The following ROBO2 variants were observed in gnomAD, a reference collection of about 807,000 sequenced individuals.
ROBO2 encodes roundabout guidance receptor 2, also known as roundabout homolog 2.
Under a neutral mutation model 160.8 loss-of-function variants are expected in ROBO2, and 53 were observed. That is an observed-to-expected ratio of 0.33 (90% CI 0.26 to 0.41). ROBO2 has a LOEUF of 0.41. Among genes scored for constraint, ROBO2 ranks in the 10% least tolerant of loss-of-function variants. ROBO2 has a pLI of 1.00. For synonymous variants in ROBO2, 664 were observed against 611.7 expected (o/e 1.09, Z -1.26); for missense variants, 1,577 against 1,722.4 (o/e 0.92, Z 1.49).
chr3:75,971,826 A>G (rs1252183540), intron 2 of ROBO2, among the ~76,000 whole-genome samples: 3 of 151,520 alleles, frequency 2.0e-5, no homozygotes, highest in East Asian at 3.9e-4. Flanking sequence ...AAGGGTTGCT[A>G]CAAATTCAAA....
Position 76,109,420 on chromosome 3 carries a change from A to G in ROBO2, c.109+171818A>G, listed in dbSNP as rs1157413189. On this transcript the variant is annotated intron_variant, in intron 2 of 26. Coordinates refer to the ROBO2 transcript ENST00000487694. The stretch of plus-strand genomic sequence containing the variant: ...CAAGATGTCAGGTACCACTACTACT[A>G]ATAATACCATATGTGGCTTGTGAGA... Among the ~76,000 whole-genome samples the G allele has an allele frequency of 2.6e-5, 4 of 152,006 alleles. No individual in the cohort carries two copies. In the East Asian group the frequency reaches 7.8e-4, roughly 29 times the overall value.
In ROBO2 at chr3:77,392,058, G is replaced by A. The variant is rs150883942; in HGVS notation, c.389-85356G>A. 3.9e-4 allele frequency among the ~76,000 whole-genome samples: 59 copies of A among 152,144 alleles called. 1 individual carries two copies. In the East Asian group the frequency reaches 0.011, roughly 29 times the overall value. ...ACCTGTCAAAGCAACAATATTTAAG[G>A]GCAGCTTTGATGTCAAATTGAAGGC... On this transcript the variant is annotated intron_variant, in intron 2 of 25. Transcript: ENST00000461745.
intron 2 of ROBO2, among the ~76,000 whole-genome samples, chr3:76,130,012 T>A (rs1434231509): frequency 6.6e-6 from 1 of 152,080 alleles, no homozygotes; most frequent in Non-Finnish European, 1.5e-5. Context: ...CAACTGCTCG[T>A]CATTGGGGAA....
chr3:77,133,480 T>C (rs543277832), intron 2 of ROBO2, among the ~76,000 whole-genome samples: 1 of 152,318 alleles, frequency 6.6e-6, no homozygotes, highest in East Asian at 1.9e-4. Flanking sequence ...CTTGACATTA[T>C]ATTTATCAAA....
exon 1 of ROBO2, chr3:77,040,365 A>C: frequency 2.0e-6 from 2 of 1,003,760 alleles, no homozygotes; most frequent in Non-Finnish European, 2.4e-6. Flanking sequence ...GTTTTTCGGC[A>C]GCGCGCTGGC....
At chr3:76,991,279 G>T (rs2060651976) in intron 2 of ROBO2, among the ~76,000 whole-genome samples, 1 of 152,152 alleles carries the variant, frequency 6.6e-6, no homozygotes, top group South Asian at 2.1e-4. Context: ...TTACCTATAG[G>T]TGATGATGGC....
chr3:76,757,879 T>C (rs1367708780), intron 2 of ROBO2, among the ~76,000 whole-genome samples: 1 of 151,588 alleles, frequency 6.6e-6, no homozygotes, highest in Non-Finnish European at 1.5e-5. Flanking sequence ...CTTTATCTAG[T>C]AAGGATTCAG....
At chr3:76,220,642 C>G (rs1410350266) in intron 2 of ROBO2, among the ~76,000 whole-genome samples, 1 of 152,160 alleles carries the variant, frequency 6.6e-6, no homozygotes, top group South Asian at 2.1e-4. Context: ...TACAGGAGCA[C>G]AGATGCACTA....
chr3:76,476,365 G>A (rs1281580970), intron 2 of ROBO2, among the ~76,000 whole-genome samples: 2 of 151,812 alleles, frequency 1.3e-5, no homozygotes, highest in African/African-American at 4.8e-5. Context: ...TCCCTTTTTG[G>A]ATTTTTATGG....
At chr3:76,516,976 A>G (rs1577816724) in intron 2 of ROBO2, among the ~76,000 whole-genome samples, 2 of 152,204 alleles carry the variant, frequency 1.3e-5, no homozygotes, top group East Asian at 3.8e-4. Context: ...ACAGTGAAAG[A>G]ATGGAGATGA....
chr3:76,548,487 G>T (rs2083239464), intron 2 of ROBO2, among the ~76,000 whole-genome samples: 1 of 152,108 alleles, frequency 6.6e-6, no homozygotes, highest in South Asian at 2.1e-4. Flanking sequence ...CATGACAAAT[G>T]AGAATCCCAC....
chr3:77,631,227 G>A (rs1016391367), intron 23 of ROBO2: 18 of 151,932 alleles, frequency 1.2e-4, no homozygotes, highest in African/African-American at 3.9e-4. Flanking sequence ...TAACTTCTCC[G>A]ATCATTCTAA....
At chr3:76,217,755 C>A (rs1317440245) in intron 2 of ROBO2, among the ~76,000 whole-genome samples, 1 of 152,134 alleles carries the variant, frequency 6.6e-6, no homozygotes. Context: ...TGGTACCATT[C>A]CTTCTGAAAC....
chr3:76,187,980 T>A (rs185272844), intron 2 of ROBO2, among the ~76,000 whole-genome samples: 1 of 152,224 alleles, frequency 6.6e-6, no homozygotes, highest in East Asian at 1.9e-4. Context: ...CTAAACTCAC[T>A]TAGTGCCACT....
chr3:77,289,560 G>T (rs1473621400), intron 2 of ROBO2, among the ~76,000 whole-genome samples: 1 of 151,858 alleles, frequency 6.6e-6, no homozygotes, highest in African/African-American at 2.4e-5. Context: ...AAAATTGACA[G>T]TTAAACGGGT....
At chr3:76,397,911 G>T (rs1407208501) in intron 2 of ROBO2, among the ~76,000 whole-genome samples, 1 of 151,994 alleles carries the variant, frequency 6.6e-6, no homozygotes, top group South Asian at 2.1e-4. Context: ...GTGGAAGTCA[G>T]TGTGGCGATT....
intron 2 of ROBO2, among the ~76,000 whole-genome samples, chr3:76,004,592 C>T (rs566983569): frequency 1.6e-4 from 24 of 152,052 alleles, no homozygotes; most frequent in Non-Finnish European, 2.8e-4. Context: ...TTTGTCTCCT[C>T]GCATTGTAGA....
intron 2 of ROBO2, among the ~76,000 whole-genome samples, chr3:77,032,570 C>CA (rs1169655067): frequency 1.3e-5 from 2 of 151,998 alleles, no homozygotes; most frequent in East Asian, 3.9e-4. Flanking sequence ...CTTTAGGCAA[C>CA]ATTCAAAGTG....
intron 2 of ROBO2, among the ~76,000 whole-genome samples, chr3:76,029,175 TAAAAAC>T (rs1479364548): frequency 6.6e-6 from 1 of 152,072 alleles, no homozygotes; most frequent in Admixed American, 6.6e-5. Context: ...GTTTTTTTGT[TAAAAAC>T]AAATTTCCAA....
Sources: gnomAD v4.1 joint callset for allele counts (sites outside exome capture counted in the v4.1 genomes callset) on GRCh38, gnomAD v4.1.1 for gene constraint, MANE v1.5 for transcripts, NCBI Gene and HGNC (gene_info 2026-07-23, HGNC 2026-07-21) for gene names.